IMMP2L: variants seen among roughly 807,000 people sequenced by gnomAD.
The protein encoded by IMMP2L is mitochondrial inner membrane protease subunit 2.
A neutral mutation model predicts 19.3 loss-of-function variants in IMMP2L; 18 were observed. That is an observed-to-expected ratio of 0.93 (90% confidence interval 0.64 to 1.38). The LOEUF is 1.38. IMMP2L is among the 40% of genes most tolerant of loss of function. IMMP2L has a pLI of 0.00. For missense variants in IMMP2L, 233 were observed against 218.2 expected, an observed-to-expected ratio of 1.07 and a Z score of -0.43; for synonymous variants, 76 against 73.0, an observed-to-expected ratio of 1.04 and a Z score of -0.21.
intron 5 of IMMP2L, among the ~76,000 whole-genome samples, chr7:110,729,782 G>A (rs1796129607): frequency 6.6e-6 from 1 of 152,174 alleles, no homozygotes; most frequent in Non-Finnish European, 1.5e-5. Flanking sequence ...GGGGGAGGGA[G>A]AGCATCAGGA....
intron 5 of IMMP2L, among the ~76,000 whole-genome samples, chr7:110,855,277 G>C (rs533717837): frequency 2.3e-4 from 35 of 152,098 alleles, no homozygotes; most frequent in Admixed American, 2.3e-3. Context: ...CTACATGTTA[G>C]AGTCCTACAT....
intron 3 of IMMP2L, among the ~76,000 whole-genome samples, chr7:111,369,074 C>T (rs1159631837): frequency 2.7e-5 from 4 of 147,502 alleles, no homozygotes; most frequent in African/African-American, 1.0e-4. Flanking sequence ...ATGACTGTTA[C>T]AGTATTTCCT....
At chr7:111,399,247 G>A (rs751697467) in intron 3 of IMMP2L, among the ~76,000 whole-genome samples, 27 of 152,154 alleles carry the variant, frequency 1.8e-4, no homozygotes, top group Non-Finnish European at 3.7e-4. Context: ...TAAGGCCATA[G>A]TCATCAAAAC....
At chr7:111,365,608 G>A (rs1420269771) in intron 3 of IMMP2L, among the ~76,000 whole-genome samples, 1 of 152,056 alleles carries the variant, frequency 6.6e-6, no homozygotes, top group African/African-American at 2.4e-5. Context: ...AGGATGAAAA[G>A]GAGAAACAAT....
At chr7:110,719,511 T>C (rs1301562804) in intron 5 of IMMP2L, among the ~76,000 whole-genome samples, 1 of 152,182 alleles carries the variant, frequency 6.6e-6, no homozygotes, top group Non-Finnish European at 1.5e-5. Flanking sequence ...AAAAACCCCA[T>C]TATTAAAATA....
intron 3 of IMMP2L, among the ~76,000 whole-genome samples, chr7:111,137,100 C>A (rs1373843109): frequency 6.6e-6 from 1 of 152,084 alleles, no homozygotes; most frequent in Non-Finnish European, 1.5e-5. Flanking sequence ...GATATATAGT[C>A]TTCGTCATGT....
At chr7:110,962,565 C>T (rs1228953767) in intron 4 of IMMP2L, 1 of 203,280 alleles carries the variant, frequency 4.9e-6, no homozygotes, top group Non-Finnish European at 8.7e-6. Flanking sequence ...TTCCACTGTA[C>T]ACTCACAAGA....
intron 3 of IMMP2L, among the ~76,000 whole-genome samples, chr7:111,055,537 C>G (rs1363251108): frequency 6.6e-6 from 1 of 152,212 alleles, no homozygotes; most frequent in Non-Finnish European, 1.5e-5. Flanking sequence ...CTGTTCTCTT[C>G]CGCACTATCT....
At chr7:111,425,582 A>C (rs1447816330) in intron 3 of IMMP2L, among the ~76,000 whole-genome samples, 2 of 151,130 alleles carry the variant, frequency 1.3e-5, no homozygotes, top group Non-Finnish European at 1.5e-5. Context: ...ATAACAGAAA[A>C]GTGATAAGAT....
At chr7:111,162,388 T>C (rs1805362463) in intron 3 of IMMP2L, among the ~76,000 whole-genome samples, 1 of 151,926 alleles carries the variant, frequency 6.6e-6, no homozygotes, top group Non-Finnish European at 1.5e-5. Flanking sequence ...GCTCTTAGAG[T>C]CATATGGGAT....
intron 3 of IMMP2L, among the ~76,000 whole-genome samples, chr7:111,316,004 G>A (rs887662550): frequency 2.0e-5 from 3 of 152,040 alleles, no homozygotes; most frequent in Non-Finnish European, 1.5e-5. Context: ...TGGTATGGCC[G>A]ACTACCCCTA....
intron 3 of IMMP2L, among the ~76,000 whole-genome samples, chr7:111,004,211 A>C (rs1421383687): frequency 6.6e-6 from 1 of 151,970 alleles, no homozygotes; most frequent in East Asian, 1.9e-4. Flanking sequence ...CATGAGAATT[A>C]TTTAATTCTC....
At chr7:111,136,836 G>A (rs1802392544) in intron 3 of IMMP2L, among the ~76,000 whole-genome samples, 2 of 152,270 alleles carry the variant, frequency 1.3e-5, no homozygotes, top group African/African-American at 2.4e-5. Flanking sequence ...TAACCTCTAT[G>A]AGAAAGATTC....
chr7:110,931,331 C>G (rs1815460533), intron 4 of IMMP2L, among the ~76,000 whole-genome samples: 1 of 152,158 alleles, frequency 6.6e-6, no homozygotes, highest in African/African-American at 2.4e-5. Context: ...GCAAAAGGAA[C>G]TCTTCTTCAT....
chr7:111,384,164 G>T (rs1300472666), intron 3 of IMMP2L, among the ~76,000 whole-genome samples: 2 of 151,600 alleles, frequency 1.3e-5, no homozygotes, highest in Non-Finnish European at 2.9e-5. Context: ...GAAGAAGAAG[G>T]AGGAGAAAGG....
At position 111,473,260 on chromosome 7, in the gene IMMP2L, C is replaced by G. The variant is rs1585248108; in HGVS notation, c.239+13978G>C. Among the ~76,000 whole-genome samples the G allele has an allele frequency of 2.0e-5, 3 of 152,212 alleles. No homozygotes were observed. In the East Asian group the frequency reaches 5.8e-4, roughly 29 times the overall value. On this transcript the variant is annotated intron_variant, in intron 3 of 5. Transcript: ENST00000405709. ...CTTTCCATGGCGATCTGCATGTCTTCTTTTCTTTGCCTGGCTGTTTGTGGC... is the reference window on the plus strand; with the variant it reads ...CTTTCCATGGCGATCTGCATGTCTTGTTTTCTTTGCCTGGCTGTTTGTGGC...
At chr7:110,982,116 A>G (rs1050309476) in intron 3 of IMMP2L, among the ~76,000 whole-genome samples, 9 of 152,180 alleles carry the variant, frequency 5.9e-5, no homozygotes, top group African/African-American at 2.2e-4. Flanking sequence ...CAAATTTATT[A>G]ATATATGCAT....
At chr7:111,492,596 G>C (rs1398835412) in intron 2 of IMMP2L, among the ~76,000 whole-genome samples, 2 of 152,166 alleles carry the variant, frequency 1.3e-5, no homozygotes, top group African/African-American at 4.8e-5. Context: ...AATGGGGATA[G>C]AAAAATCCCC....
chr7:111,201,008 T>C (rs1810043149), intron 3 of IMMP2L, among the ~76,000 whole-genome samples: 1 of 152,188 alleles, frequency 6.6e-6, no homozygotes, highest in Admixed American at 6.5e-5. Flanking sequence ...AAAATTCTTT[T>C]AGATTAAGTC....
Sources: allele counts gnomAD v4.1 joint callset (sites outside exome capture counted in the v4.1 genomes callset), GRCh38; gene constraint gnomAD v4.1.1; transcripts MANE v1.5; gene names NCBI Gene and HGNC (gene_info 2026-07-23, HGNC 2026-07-21).